FRMD4B: variants seen among roughly 807,000 people sequenced by gnomAD.
The protein encoded by FRMD4B is FERM domain containing 4B.
FRMD4B carries 74 observed loss-of-function variants against 141.5 expected under a neutral mutation model. The observed-to-expected ratio is 0.52, with a 90% CI of 0.43 to 0.63. The LOEUF (loss-of-function observed/expected upper bound fraction) is 0.63. Among genes scored for constraint, FRMD4B ranks in the 30% least tolerant of loss-of-function variants. The pLI, the probability that FRMD4B is intolerant of heterozygous loss-of-function variation, is 0.00. For synonymous variants in FRMD4B, 506 were observed against 467.9 expected (o/e 1.08, Z -1.05); for missense variants, 1,366 against 1,253.4 (o/e 1.09, Z -1.36).
At chr3:69,322,326 C>T (rs1180620537) in intron 1 of FRMD4B, among the ~76,000 whole-genome samples, 6 of 152,254 alleles carry the variant, frequency 3.9e-5, no homozygotes, top group Middle Eastern at 3.4e-3. Flanking sequence ...TTGACACTCC[C>T]GTTCAGAGAA....
intron 16 of FRMD4B, 146 bp downstream of exon 16, chr3:69,194,876 A>G (rs1012305756): frequency 8.0e-6 from 5 of 623,456 alleles, no homozygotes; most frequent in Non-Finnish European, 1.3e-5. Context: ...GCATGAAAGA[A>G]AGAGTTCAAT....
chr3:69,465,745 T>C (rs558237065), intron 1 of FRMD4B, among the ~76,000 whole-genome samples: 1 of 152,330 alleles, frequency 6.6e-6, no homozygotes, highest in East Asian at 1.9e-4. Context: ...GGCTATATAG[T>C]GTTCCATGGT....
chr3:69,299,167 G>T lies in FRMD4B; in HGVS notation c.416+3176C>A, dbSNP rs76480559. Among the ~76,000 whole-genome samples, 96 of 152,204 alleles carry T rather than the reference G, an allele frequency of 6.3e-4. 2 individuals are homozygous for T. In the East Asian group the frequency reaches 0.015, roughly 24 times the overall value. On this transcript the variant is annotated intron_variant, in intron 4 of 22. Coordinates refer to ENST00000398540, the MANE Select transcript of FRMD4B (RefSeq NM_015123.3). ...AAAACTCCAATACATAATGAATGAA[G>T]GAAGGAAGAAATGTTTCTTCATAGC...
intron 1 of FRMD4B, among the ~76,000 whole-genome samples, chr3:69,434,314 G>T (rs917305113): frequency 7.2e-5 from 11 of 152,126 alleles, no homozygotes; most frequent in African/African-American, 2.4e-4. Flanking sequence ...GCTATGCCAG[G>T]CACATCACTT....
chr3:69,180,817 T>C (rs995179810), intron 21 of FRMD4B, 82 bp downstream of exon 21: 9 of 941,118 alleles, frequency 9.6e-6, no homozygotes, highest in Admixed American at 2.2e-5. Flanking sequence ...ACTGGTCTCA[T>C]GATCCGTGAG....
chr3:69,410,389 G>A (rs1229223469), intron 2 of FRMD4B, among the ~76,000 whole-genome samples: 1 of 152,118 alleles, frequency 6.6e-6, no homozygotes, highest in Non-Finnish European at 1.5e-5. Flanking sequence ...TGTAAATGTA[G>A]GAATGCGTGT....
At chr3:69,437,277 G>A (rs1705274457) in intron 1 of FRMD4B, among the ~76,000 whole-genome samples, 1 of 151,868 alleles carries the variant, frequency 6.6e-6, no homozygotes, top group East Asian at 1.9e-4. Context: ...TCACTATGTT[G>A]CTCAGGCTGG....
In FRMD4B at chr3:69,169,260, GT is replaced by G. The variant is rs2092563474; in HGVS notation, c.*2600del. On this transcript the variant is annotated 3_prime_UTR_variant, in exon 23 of 23. Transcript: ENST00000398540. Reference sequence around the variant, plus strand: ...CTTTTGGCTTTTAATAAATAACGTAGTTTAATTGGTTTAATACCAATGCGGT... The same window carrying G: ...CTTTTGGCTTTTAATAAATAACGTAGTTAATTGGTTTAATACCAATGCGGT... Among the ~76,000 whole-genome samples, 1 of 150,926 alleles carries G rather than the reference GT, an allele frequency of 6.6e-6. No homozygotes were observed. The highest frequency in any genetic ancestry group is 2.4e-5 in the African/African-American group (1 of 41,086).
At chr3:69,492,135 T>C (rs535370486) in intron 1 of FRMD4B, among the ~76,000 whole-genome samples, 13 of 152,282 alleles carry the variant, frequency 8.5e-5, no homozygotes, top group Non-Finnish European at 1.3e-4. Flanking sequence ...GTTTTCTATA[T>C]CTTGCATGCT....
At chr3:69,185,524 T>A (rs544311131) in intron 19 of FRMD4B, among the ~76,000 whole-genome samples, 4 of 152,074 alleles carry the variant, frequency 2.6e-5, no homozygotes, top group African/African-American at 9.7e-5. Flanking sequence ...TGAAATCAGA[T>A]CACAAGCTTT....
At chr3:69,475,365 C>A (rs940082996) in intron 1 of FRMD4B, among the ~76,000 whole-genome samples, 21 of 150,758 alleles carry the variant, frequency 1.4e-4, no homozygotes, top group Non-Finnish European at 1.5e-4. Context: ...CTTCCCCCCA[C>A]CCCACAACAG....
intron 1 of FRMD4B, among the ~76,000 whole-genome samples, chr3:69,464,968 A>C (rs1705759158): frequency 6.6e-6 from 1 of 152,214 alleles, no homozygotes; most frequent in African/African-American, 2.4e-5. Context: ...AGATTAAAAG[A>C]GGCTTTACAG....
At chr3:69,391,494 C>T (rs779548710) in intron 2 of FRMD4B, among the ~76,000 whole-genome samples, 23 of 150,322 alleles carry the variant, frequency 1.5e-4, no homozygotes, top group African/African-American at 7.3e-5. Context: ...TGAGAACCTG[C>T]GCTGTTTGGT....
intron 1 of FRMD4B, among the ~76,000 whole-genome samples, chr3:69,383,630 G>A (rs1704176522): frequency 6.6e-6 from 1 of 152,186 alleles, no homozygotes; most frequent in Non-Finnish European, 1.5e-5. Flanking sequence ...GACAATTATG[G>A]CTCACTGCAG....
At chr3:69,224,148 T>C (rs749301928) in intron 8 of FRMD4B, among the ~76,000 whole-genome samples, 139 of 152,270 alleles carry the variant, frequency 9.1e-4, no homozygotes, top group Middle Eastern at 3.4e-3. Context: ...ATGGATTCAC[T>C]AATGTACAAA....
intron 4 of FRMD4B, among the ~76,000 whole-genome samples, chr3:69,294,313 G>A (rs751759344): frequency 1.3e-5 from 2 of 152,162 alleles, no homozygotes; most frequent in Non-Finnish European, 2.9e-5. Context: ...TTTATTGCTT[G>A]TAATGACCCT....
At chr3:69,492,139 G>C (rs988942567) in intron 1 of FRMD4B, among the ~76,000 whole-genome samples, 1 of 152,130 alleles carries the variant, frequency 6.6e-6, no homozygotes, top group African/African-American at 2.4e-5. Context: ...TCTATATCTT[G>C]CATGCTTGGG....
At chr3:69,330,876 C>T (rs1335357914) in intron 1 of FRMD4B, among the ~76,000 whole-genome samples, 2 of 152,174 alleles carry the variant, frequency 1.3e-5, no homozygotes. Flanking sequence ...CTGAAGGAGG[C>T]TGCCATGACC....
chr3:69,176,902 T>C (rs2092651987), intron 21 of FRMD4B, among the ~76,000 whole-genome samples: 2 of 152,316 alleles, frequency 1.3e-5, no homozygotes, highest in African/African-American at 2.4e-5. Flanking sequence ...ATATATTCTG[T>C]ATAGGTATGA....
Sources: gnomAD v4.1 joint callset for allele counts (sites outside exome capture counted in the v4.1 genomes callset) on GRCh38, gnomAD v4.1.1 for gene constraint, MANE v1.5 for transcripts, NCBI Gene and HGNC (gene_info 2026-07-23, HGNC 2026-07-21) for gene names.